The following SEMA5A variants were observed in gnomAD, a reference collection of about 807,000 sequenced individuals.
The protein encoded by SEMA5A is semaphorin 5A.
In SEMA5A, 55 loss-of-function variants were observed where a neutral mutation model predicts 135.5. That is an observed-to-expected ratio of 0.41 (90% CI 0.33 to 0.51). The LOEUF (loss-of-function observed/expected upper bound fraction) is 0.51, where lower values mean the gene tolerates loss of function less well. SEMA5A is among the 20% of genes least tolerant of loss of function. The pLI, the probability that SEMA5A is intolerant of heterozygous loss-of-function variation, is 0.37. For synonymous variants in SEMA5A, 580 were observed against 546.5 expected (o/e 1.06, Z -0.85); for missense variants, 1,290 against 1,419.9 (o/e 0.91, Z 1.47).
In SEMA5A at chr5:9,259,066, C is replaced by T. The variant is rs1043708680; in HGVS notation, c.271-21176G>A. ...GGAACTCCTGACCTCGGGTGATCTG[C>T]CTGCCTTGGCCTCCCAAAGTGCTGG... On this transcript the variant is annotated intron_variant, in intron 5 of 22. Coordinates refer to ENST00000382496, the MANE Select transcript of SEMA5A (RefSeq NM_003966.3). Among the ~76,000 whole-genome samples the T allele has an allele frequency of 9.2e-5, 14 of 152,116 alleles. 1 individual carries two copies. Among genetic ancestry groups the T allele is most frequent in the Admixed American group, 8.5e-4 (13 of 15,274 alleles).
At chr5:9,052,151 T>A in intron 19 of SEMA5A, 123 bp from the exon 20 acceptor site, 2 of 1,064,890 alleles carry the variant, frequency 1.9e-6, no homozygotes, top group Non-Finnish European at 2.6e-6. Context: ...TTTTTAATGG[T>A]TCTGTGCATC....
intron 22 of SEMA5A, 100 bp downstream of exon 22, chr5:9,044,273 T>G: frequency 9.7e-7 from 1 of 1,031,302 alleles, no homozygotes; most frequent in Non-Finnish European, 1.5e-6. Context: ...GAAAATTCAG[T>G]TTCAAAGGAA....
intron 18 of SEMA5A, among the ~76,000 whole-genome samples, chr5:9,056,664 G>T (rs1297952654): frequency 1.3e-5 from 2 of 152,224 alleles, no homozygotes; most frequent in Non-Finnish European, 2.9e-5. Flanking sequence ...GGAGGTTGCG[G>T]TGAGCTGAGA....
At chr5:9,536,183 G>T (rs1737753682) in intron 1 of SEMA5A, among the ~76,000 whole-genome samples, 2 of 152,100 alleles carry the variant, frequency 1.3e-5, no homozygotes, top group African/African-American at 4.8e-5. Context: ...TGAACAAAGA[G>T]CATAATAATT....
intron 11 of SEMA5A, among the ~76,000 whole-genome samples, chr5:9,176,511 T>C (rs937263099): frequency 6.6e-6 from 1 of 152,216 alleles, no homozygotes; most frequent in African/African-American, 2.4e-5. Context: ...ATGGAAATTG[T>C]GAGCTAATAA....
At chr5:9,079,669 C>G (rs546545913) in intron 16 of SEMA5A, among the ~76,000 whole-genome samples, 1 of 152,096 alleles carries the variant, frequency 6.6e-6, no homozygotes, top group African/African-American at 2.4e-5. Flanking sequence ...TATCCAGAAT[C>G]TACAAAGAAC....
intron 11 of SEMA5A, among the ~76,000 whole-genome samples, chr5:9,181,474 GT>G (rs1744505184): frequency 6.6e-6 from 1 of 152,078 alleles, no homozygotes; most frequent in Non-Finnish European, 1.5e-5. Flanking sequence ...CCAGTGGCTG[GT>G]TTTTCCTCAA....
At chr5:9,516,349 G>A (rs553019095) in intron 1 of SEMA5A, among the ~76,000 whole-genome samples, 1 of 152,232 alleles carries the variant, frequency 6.6e-6, no homozygotes, top group East Asian at 1.9e-4. Flanking sequence ...ATGGAGAACA[G>A]GGAACGTACA....
At position 9,079,784 on chromosome 5, in the gene SEMA5A, A is replaced by T. The variant is rs1579353924; in HGVS notation, c.2074-13138T>A. On this transcript the variant is annotated intron_variant, in intron 16 of 22. Transcript: ENST00000382496. ...AAGAAGACATTTATGCAGGCAACAAACATATGAAAAAAAGCTCAACATCAC... is the reference window on the plus strand; with the variant it reads ...AAGAAGACATTTATGCAGGCAACAATCATATGAAAAAAAGCTCAACATCAC... 2.6e-5 allele frequency among the ~76,000 whole-genome samples: 4 copies of T among 152,238 alleles called. No individual in the cohort carries two copies. In the East Asian group the frequency reaches 7.7e-4, roughly 29 times the overall value.
At chr5:9,373,314 G>T (rs1434272204) in intron 3 of SEMA5A, among the ~76,000 whole-genome samples, 1 of 152,090 alleles carries the variant, frequency 6.6e-6, no homozygotes, top group Non-Finnish European at 1.5e-5. Context: ...AATCCTAATT[G>T]GTCACTTTCA....
intron 8 of SEMA5A, among the ~76,000 whole-genome samples, chr5:9,211,510 T>G (rs1342015749): frequency 6.6e-6 from 1 of 152,176 alleles, no homozygotes; most frequent in African/African-American, 2.4e-5. Flanking sequence ...GGTACTGTGC[T>G]GTGCATACCC....
At chr5:9,275,755 C>A (rs1272707120) in intron 5 of SEMA5A, among the ~76,000 whole-genome samples, 1 of 152,160 alleles carries the variant, frequency 6.6e-6, no homozygotes, top group Admixed American at 6.5e-5. Context: ...TCAATAGATA[C>A]AGAAAAGGCC....
chr5:9,279,536 G>C (rs958076197), intron 5 of SEMA5A, among the ~76,000 whole-genome samples: 4 of 152,124 alleles, frequency 2.6e-5, no homozygotes, highest in Admixed American at 1.3e-4. Flanking sequence ...TAAGATTTGG[G>C]AGGGGCTGGG....
intron 1 of SEMA5A, among the ~76,000 whole-genome samples, chr5:9,497,457 G>T (rs921984444): frequency 6.6e-6 from 1 of 152,192 alleles, no homozygotes; most frequent in Admixed American, 6.5e-5. Context: ...CAGAGCTTCA[G>T]ATATTTGTTT....
chr5:9,482,941 T>C (rs1382552717), intron 1 of SEMA5A, among the ~76,000 whole-genome samples: 2 of 152,242 alleles, frequency 1.3e-5, no homozygotes, highest in African/African-American at 2.4e-5. Flanking sequence ...GTGAAATTCT[T>C]AGGAATTTAA....
chr5:9,142,719 C>T lies in SEMA5A; in HGVS notation c.1482-6098G>A, dbSNP rs556086032. 4.6e-5 allele frequency among the ~76,000 whole-genome samples: 7 copies of T among 152,310 alleles called. No homozygotes were observed. In the South Asian group the frequency reaches 1.2e-3, roughly 27 times the overall value. ...CGGTGGCTCATGCCTGTAATCCCAA[C>T]ACTTTGGGAGCTAAAGGTGGCTAGA... On this transcript the variant is annotated intron_variant, in intron 12 of 22. Coordinates refer to ENST00000382496, the MANE Select transcript of SEMA5A (RefSeq NM_003966.3).
At chr5:9,090,222 C>T (rs1738956629) in intron 16 of SEMA5A, among the ~76,000 whole-genome samples, 1 of 152,168 alleles carries the variant, frequency 6.6e-6, no homozygotes. Flanking sequence ...TGTTCTACTT[C>T]ACACAAAGGC....
chr5:9,142,078 T>A (rs1336106055), intron 12 of SEMA5A, among the ~76,000 whole-genome samples: 1 of 152,236 alleles, frequency 6.6e-6, no homozygotes, highest in Non-Finnish European at 1.5e-5. Flanking sequence ...ACACTGTCAC[T>A]GAGCTCCAAG....
chr5:9,484,398 A>T (rs1330905132), intron 1 of SEMA5A, among the ~76,000 whole-genome samples: 1 of 152,204 alleles, frequency 6.6e-6, no homozygotes, highest in African/African-American at 2.4e-5. Context: ...TATTTAGTGT[A>T]TCATCAGGAG....
Sources: gnomAD v4.1 joint callset for allele counts (sites outside exome capture counted in the v4.1 genomes callset) on GRCh38, gnomAD v4.1.1 for gene constraint, MANE v1.5 for transcripts, NCBI Gene and HGNC (gene_info 2026-07-23, HGNC 2026-07-21) for gene names.